BRINP2: variants seen among roughly 807,000 people sequenced by gnomAD.
BRINP2 encodes BMP/retinoic acid-inducible neural-specific protein 2.
Under a neutral mutation model 69.2 loss-of-function variants are expected in BRINP2, and 21 were observed. The ratio of observed to expected loss-of-function variants is 0.30; its 90% CI spans 0.22 to 0.44. The LOEUF (loss-of-function observed/expected upper bound fraction) is 0.44. Among genes scored for constraint, BRINP2 ranks in the 20% least tolerant of loss-of-function variants. The pLI is 1.00. For synonymous variants in BRINP2, 380 were observed against 394.1 expected (o/e 0.96, Z 0.42); for missense variants, 877 against 986.0 (o/e 0.89, Z 1.48).
chr1:177,171,014 C>T lies in BRINP2; in HGVS notation c.-795C>T, dbSNP rs1647908807. 6.6e-6 allele frequency among the ~76,000 whole-genome samples: 1 copy of T among 152,232 alleles called. No individual in the cohort carries two copies. ...GCGCGGAGTCGGAGCGGGGACGCGC[C>T]GGGCTGCAGCTCTGGGATGCAATCC... is the stretch of plus-strand genomic sequence containing the variant. On this transcript the variant is annotated 5_prime_UTR_variant, in exon 1 of 8. Coordinates refer to ENST00000361539, the MANE Select transcript of BRINP2 (RefSeq NM_021165.4).
In BRINP2 at chr1:177,281,534, G is replaced by A. The variant is rs1045736; in HGVS notation, c.*6G>A. ...CCGGCAAACTCTGTAGCTAATGGGC[G>A]GCCCACTTCAGCACTGGGCAAGGAG... is the stretch of plus-strand genomic sequence containing the variant. On this transcript the variant is annotated 3_prime_UTR_variant, in exon 8 of 8. Coordinates refer to ENST00000361539, the MANE Select transcript of BRINP2 (RefSeq NM_021165.4). 0.23 allele frequency: 357,585 copies of A among 1,589,232 alleles called. 43,985 individuals are homozygous for A. Among genetic ancestry groups the A allele is most frequent in the Non-Finnish European group, 0.25 (298,455 of 1,172,316 alleles).
chr1:177,199,282 T>A (rs1361772332), intron 1 of BRINP2, among the ~76,000 whole-genome samples: 1 of 152,214 alleles, frequency 6.6e-6, no homozygotes. Context: ...GTGGTTTTGG[T>A]TTCCAACTTT....
Position 177,251,438 on chromosome 1 carries a change from G to A in BRINP2, c.270-4481G>A, listed in dbSNP as rs561411306. On this transcript the variant is annotated intron_variant, in intron 2 of 7. Transcript: ENST00000361539. ...ACTTAACATTTAACCTTATCTACTC[G>A]AAGGAAAACAGTGCTATAGAAACAG... 3.3e-5 allele frequency among the ~76,000 whole-genome samples: 5 copies of A among 152,262 alleles called. No homozygotes were observed. In the South Asian group the frequency reaches 8.3e-4, roughly 25 times the overall value.
At chr1:177,185,760 T>C (rs1648408515) in intron 1 of BRINP2, among the ~76,000 whole-genome samples, 1 of 152,088 alleles carries the variant, frequency 6.6e-6, no homozygotes, top group South Asian at 2.1e-4. Context: ...AGTGACACAG[T>C]GGAATTTGAA....
chr1:177,269,955 C>G (rs542948646), intron 4 of BRINP2, among the ~76,000 whole-genome samples: 2 of 152,098 alleles, frequency 1.3e-5, no homozygotes, highest in Non-Finnish European at 2.9e-5. Flanking sequence ...ACTGCACTCT[C>G]CATTACCTGT....
chr1:177,267,858 T>A (rs781472090), intron 4 of BRINP2, among the ~76,000 whole-genome samples: 3 of 152,170 alleles, frequency 2.0e-5, no homozygotes, highest in Non-Finnish European at 4.4e-5. Flanking sequence ...GAGGTCACCA[T>A]CCTTGGAAAC....
chr1:177,213,028 T>A (rs1558161622), intron 1 of BRINP2, among the ~76,000 whole-genome samples: 1 of 152,232 alleles, frequency 6.6e-6, no homozygotes, highest in African/African-American at 2.4e-5. Flanking sequence ...GTTGTTATTG[T>A]TATGAAGGTC....
intron 1 of BRINP2, among the ~76,000 whole-genome samples, chr1:177,194,793 A>C (rs1467672334): frequency 6.6e-6 from 1 of 151,822 alleles, no homozygotes; most frequent in East Asian, 1.9e-4. Flanking sequence ...GTGTGTGTGC[A>C]CATGAGTGTG....
At chr1:177,181,474 G>T (rs542289988) in intron 1 of BRINP2, among the ~76,000 whole-genome samples, 4 of 152,296 alleles carry the variant, frequency 2.6e-5, no homozygotes, top group South Asian at 2.1e-4. Flanking sequence ...CGAGGCTGCC[G>T]GGCTGAGAGC....
intron 1 of BRINP2, among the ~76,000 whole-genome samples, chr1:177,187,426 G>GT (rs1648459852): frequency 6.6e-6 from 1 of 152,168 alleles, no homozygotes; most frequent in South Asian, 2.1e-4. Flanking sequence ...AAGAGCACAA[G>GT]TTTTTTTCTT....
chr1:177,200,447 T>C (rs1266059799), intron 1 of BRINP2, among the ~76,000 whole-genome samples: 6 of 151,776 alleles, frequency 4.0e-5, no homozygotes, highest in Admixed American at 6.6e-5. Context: ...CAAAATCTGC[T>C]CATCGCTGCC....
At chr1:177,201,233 G>A (rs1648901146) in intron 1 of BRINP2, among the ~76,000 whole-genome samples, 1 of 152,112 alleles carries the variant, frequency 6.6e-6, no homozygotes, top group African/African-American at 2.4e-5. Flanking sequence ...GAATAGAACT[G>A]GACATCTAAG....
chr1:177,273,942 A>T (rs1173922838), intron 5 of BRINP2, among the ~76,000 whole-genome samples: 1 of 152,198 alleles, frequency 6.6e-6, no homozygotes, highest in Non-Finnish European at 1.5e-5. Context: ...TTTCCCAGAA[A>T]ACCCTCTGCT....
rs959250550 is a variant in BRINP2, at chr1:177,171,186, C to T, written c.-623C>T. 1.3e-5 allele frequency among the ~76,000 whole-genome samples: 2 copies of T among 152,198 alleles called. No homozygotes were observed. The highest frequency in any genetic ancestry group is 1.3e-4 in the Admixed American group (2 of 15,280). On this transcript the variant is annotated 5_prime_UTR_variant, in exon 1 of 8. Transcript: ENST00000361539. ...CAGGCAGCCGAGGGAGCGGTGAAGCCGGAAGACCTGTCTCTGCCCATGTGC... is the reference window on the plus strand; with the variant it reads ...CAGGCAGCCGAGGGAGCGGTGAAGCTGGAAGACCTGTCTCTGCCCATGTGC...
rs191703925 is a variant in BRINP2, at chr1:177,200,726, A to C, written c.-77+28994A>C. Among the ~76,000 whole-genome samples the C allele has an allele frequency of 4.9e-3, 740 of 152,276 alleles. 5 individuals are homozygous for C. Among genetic ancestry groups the C allele is most frequent in the African/African-American group, 0.017 (694 of 41,554 alleles). On this transcript the variant is annotated intron_variant, in intron 1 of 7. Coordinates refer to ENST00000361539, the MANE Select transcript of BRINP2 (RefSeq NM_021165.4). ...TGCTTTCTTCTTCTTCCTGGCATTT[A>C]TGATCACTTAATACTTTGTGTATGT...
intron 1 of BRINP2, among the ~76,000 whole-genome samples, chr1:177,224,076 C>A (rs1488469592): frequency 6.6e-6 from 1 of 152,220 alleles, no homozygotes; most frequent in Non-Finnish European, 1.5e-5. Context: ...CACATCCACC[C>A]TTGCTCTTAA....
At chr1:177,195,736 A>C (rs1430893248) in intron 1 of BRINP2, among the ~76,000 whole-genome samples, 1 of 152,032 alleles carries the variant, frequency 6.6e-6, no homozygotes, top group Non-Finnish European at 1.5e-5. Flanking sequence ...CAAAGCAGAC[A>C]TCATTGAGCA....
chr1:177,180,676 G>T (rs932032075), intron 1 of BRINP2, among the ~76,000 whole-genome samples: 1 of 152,128 alleles, frequency 6.6e-6, no homozygotes, highest in Non-Finnish European at 1.5e-5. Context: ...GGGGTCTGGA[G>T]CTCCGCCACC....
intron 2 of BRINP2, among the ~76,000 whole-genome samples, chr1:177,248,964 T>C (rs1224809386): frequency 6.6e-6 from 1 of 152,032 alleles, no homozygotes; most frequent in Non-Finnish European, 1.5e-5. Flanking sequence ...ATGGTTCAAC[T>C]CTCTTATTGC....
Sources: allele counts gnomAD v4.1 joint callset (sites outside exome capture counted in the v4.1 genomes callset), GRCh38; gene constraint gnomAD v4.1.1; transcripts MANE v1.5; gene names NCBI Gene and HGNC (gene_info 2026-07-23, HGNC 2026-07-21).